NBPF12: variants seen among roughly 807,000 people sequenced by gnomAD.
The protein encoded by NBPF12 is NBPF family member NBPF12.
In NBPF12, 115 loss-of-function variants were observed where a neutral mutation model predicts 146.4. The ratio of observed to expected loss-of-function variants is 0.79; its 90% CI spans 0.68 to 0.92. The LOEUF (loss-of-function observed/expected upper bound fraction) is 0.92. NBPF12 is among the 40% of genes least tolerant of loss of function. The pLI, the probability that NBPF12 is intolerant of heterozygous loss-of-function variation, is 0.00. For synonymous variants in NBPF12, 385 were observed against 508.9 expected, an observed-to-expected ratio of 0.76 and a Z score of 3.28; for missense variants, 1,205 against 1,326.8, an observed-to-expected ratio of 0.91 and a Z score of 1.43.
At chr1:146,970,607 T>C in intron 11 of NBPF12, 40 bp from the exon 15 acceptor site, 1 of 1,568,730 alleles carries the variant, frequency 6.4e-7, no homozygotes, top group Non-Finnish European at 8.7e-7. Context: ...TTGCAGAATG[T>C]GAAGTGGAAA....
At chr1:146,996,128 TTATAA>T (rs1658526047), downstream of NBPF12, 6 of 132,138 alleles carry the variant, frequency 4.5e-5, 1 homozygote, top group South Asian at 1.5e-3. Flanking sequence ...ACATTCAGTG[TTATAA>T]TATTTGATTA....
rs1445750888 is a variant in NBPF12, at chr1:146,964,424, C to A, written c.561C>A (p.Ala187=). 3.7e-6 allele frequency: 6 copies of A among 1,600,958 alleles called. No homozygotes were observed. In the African/African-American group the frequency reaches 8.1e-5, roughly 22 times the overall value. ...ATGAGAAAGTACTGGAATCATCTGC[C>A]CCCAGGTAACACTGAATACTCAGGA... Residue 187 remains alanine, a synonymous_variant, in exon 7 of 34, where the codon GCC becomes GCA. Transcript: ENST00000617844.
chr1:146,942,107 T>C (rs1312336085), intron 1 of NBPF12, among the ~76,000 whole-genome samples: 7 of 151,008 alleles, frequency 4.6e-5, no homozygotes, highest in Admixed American at 1.3e-4. Context: ...GTCTGCTTGC[T>C]TCAGCCTCCC....
intron 9 of NBPF12, among the ~76,000 whole-genome samples, chr1:146,966,973 C>G (rs1334052959): frequency 1.3e-5 from 2 of 150,790 alleles, no homozygotes; most frequent in Non-Finnish European, 2.9e-5. Flanking sequence ...TTTCAAGAAT[C>G]CTCTCTGTGC....
chr1:146,970,862 A>T, intron 12 of NBPF12, 143 bp downstream of exon 15: 1 of 982,970 alleles, frequency 1.0e-6, no homozygotes, highest in East Asian at 2.4e-5. Flanking sequence ...GCTTAGACAC[A>T]GGGTGTGGCA....
chr1:146,980,407 C>T (rs1460948897), intron 19 of NBPF12, among the ~76,000 whole-genome samples: 5 of 152,020 alleles, frequency 3.3e-5, no homozygotes, highest in Non-Finnish European at 7.3e-5. Flanking sequence ...TTCTTCCTAG[C>T]TTCAATGGTC....
chr1:146,974,488 C>T lies in NBPF12; in HGVS notation c.1802-251C>T, dbSNP rs1158004392. Among the ~76,000 whole-genome samples, 4 of 124,326 alleles carry T rather than the reference C, an allele frequency of 3.2e-5. 1 individual carries two copies. The highest frequency in any genetic ancestry group is 1.8e-4 in the Admixed American group (2 of 10,822). 81.6% of individuals were successfully genotyped at this position (124,326 alleles called of 152,430 possible). On this transcript the variant is annotated intron_variant, in intron 14 of 33. Transcript: ENST00000617844. ...GGGACTGTGAATTCTGACTCCACTT[C>T]GTTGTGGTTGAATCATCTTGTCAAC...
chr1:146,939,417 G>A (rs1654693040), intron 1 of NBPF12, among the ~76,000 whole-genome samples: 2 of 152,102 alleles, frequency 1.3e-5, no homozygotes, highest in Admixed American at 6.5e-5. Flanking sequence ...GCTCCTGGCG[G>A]TGTCTCCAGG....
Position 146,969,407 on chromosome 1 carries a change from C to T in NBPF12, c.1117C>T (p.Gln373Ter). ...GCAATATAAAGTCCTGGTTCACTCTCAGGAACGAGAGCTGACCCAGTTAAG... is the reference window on the plus strand; with the variant it reads ...GCAATATAAAGTCCTGGTTCACTCTTAGGAACGAGAGCTGACCCAGTTAAG... The change falls in exon 11 of 34, where the codon CAG becomes TAG. Residue 373 changes from glutamine (Q) to a stop codon, truncating the protein, a stop_gained. Transcript: ENST00000617844. LOFTEE classifies it high-confidence loss of function. 3.8e-6 allele frequency: 5 copies of T among 1,313,758 alleles called. No homozygotes were observed. The South Asian group carries it at 5.9e-5, about 16-fold the overall frequency. 81.4% of individuals were successfully genotyped at this position (1,313,758 alleles called of 1,614,324 possible). A position where few individuals can be genotyped will look rare whatever the true frequency, so the allele number is the denominator to read the frequency against.
At chr1:146,943,645 A>G (rs1184221229) in intron 2 of NBPF12, 83 bp downstream of exon 2, 6 of 781,726 alleles carry the variant, frequency 7.7e-6, no homozygotes, top group Non-Finnish European at 1.0e-5. Context: ...GGAAGATGCC[A>G]AGGGCCCTAA....
In NBPF12 at chr1:146,977,936, C is replaced by CT. The variant is rs1201175673; in HGVS notation, c.2398+266dup. Among the ~76,000 whole-genome samples, 10 of 152,016 alleles carry CT rather than the reference C, an allele frequency of 6.6e-5. 1 individual carries two copies. Among genetic ancestry groups the CT allele is most frequent in the African/African-American group, 2.4e-4 (10 of 41,322 alleles). On this transcript the variant is annotated intron_variant, in intron 18 of 33. Transcript: ENST00000617844. ...GGTGCACAGGCAGTATCTGTCAGGC[C>CT]TCCTAACTTCCATTCAGTATCTCTT...
chr1:146,942,381 GTTA>G (rs1170307728), intron 1 of NBPF12, among the ~76,000 whole-genome samples: 10 of 149,040 alleles, frequency 6.7e-5, no homozygotes, highest in Admixed American at 6.0e-4. Flanking sequence ...ATTCATTATT[GTTA>G]TTATTTTTTT....
intron 13 of NBPF12, among the ~76,000 whole-genome samples, chr1:146,971,628 A>G (rs1361200588): frequency 6.7e-6 from 1 of 148,698 alleles, no homozygotes; most frequent in Non-Finnish European, 1.5e-5. Flanking sequence ...ATCTTTACGA[A>G]GAATACAAAA....
rs1230213775 is a variant in NBPF12, at chr1:146,952,449, G to A, written c.-184+960G>A. ...GCCCCAATGCCGTGTAGCACTTTAT[G>A]TCAAATTAGAAAGGCATGAAATAAA... On this transcript the variant is annotated intron_variant, in intron 2 of 33. Coordinates refer to ENST00000617844, the Ensembl canonical transcript of NBPF12. Among the ~76,000 whole-genome samples the A allele has an allele frequency of 1.4e-4, 21 of 152,140 alleles. 1 individual carries two copies. In the South Asian group the frequency reaches 4.4e-3, roughly 32 times the overall value.
chr1:146,963,046 A>G lies in NBPF12; in HGVS notation c.279-49A>G, dbSNP rs1655963184. 5 of 1,609,348 alleles carry G rather than the reference A, an allele frequency of 3.1e-6. No individual in the cohort carries two copies. In the Admixed American group the frequency reaches 5.0e-5, roughly 16 times the overall value. On this transcript the variant is annotated intron_variant, in intron 5 of 33. Transcript: ENST00000617844. ...AATCTCTGTTGCAATATTTGAACGGATCACTCAACGCTTTTCACTGTTAAA... is the reference window on the plus strand; with the variant it reads ...AATCTCTGTTGCAATATTTGAACGGGTCACTCAACGCTTTTCACTGTTAAA...
upstream of NBPF12, among the ~76,000 whole-genome samples, chr1:146,944,430 T>A (rs1174846932): frequency 2.0e-5 from 3 of 146,428 alleles, no homozygotes; most frequent in Non-Finnish European, 3.0e-5. Flanking sequence ...CCAGTGAGAA[T>A]GACAAATGGA....
intron 17 of NBPF12, among the ~76,000 whole-genome samples, chr1:146,977,232 C>T (rs1207898723): frequency 1.5e-5 from 2 of 137,922 alleles, no homozygotes; most frequent in Non-Finnish European, 3.1e-5. Context: ...TCCTTCTCAG[C>T]TCCTATCTGT....
chr1:146,966,802 A>G (rs1318400204), intron 9 of NBPF12, 129 bp downstream of exon 12: 6 of 694,100 alleles, frequency 8.6e-6, no homozygotes, highest in Non-Finnish European at 1.3e-5. Flanking sequence ...AGAAATGGGT[A>G]TTTTAACATT....
intron 5 of NBPF12, among the ~76,000 whole-genome samples, chr1:146,962,647 T>C (rs1264644029): frequency 6.6e-6 from 1 of 151,048 alleles, no homozygotes; most frequent in African/African-American, 2.4e-5. Context: ...ACTCAATCAA[T>C]GTTGCCTTCT....
Sources: gnomAD v4.1 joint callset for allele counts (sites outside exome capture counted in the v4.1 genomes callset) on GRCh38, gnomAD v4.1.1 for gene constraint, MANE v1.5 for transcripts, NCBI Gene and HGNC (gene_info 2026-07-23, HGNC 2026-07-21) for gene names.